Variants in DPP6 observed in about 807,000 individuals in gnomAD.
DPP6 encodes the protein A-type potassium channel modulatory protein DPP6.
A neutral mutation model predicts 122.6 loss-of-function variants in DPP6; 69 were observed. The observed-to-expected ratio is 0.56, with a 90% CI of 0.46 to 0.69. The LOEUF is 0.69. Ranked by LOEUF, DPP6 falls within the 30% of genes least tolerant of loss-of-function variation. The pLI is 0.00. For missense variants in DPP6, 928 were observed against 1,116.9 expected (o/e 0.83, Z 2.41); for synonymous variants, 418 against 433.1 (o/e 0.97, Z 0.43).
intron 1 of DPP6, among the ~76,000 whole-genome samples, chr7:153,903,351 G>T (rs1472902340): frequency 6.6e-6 from 1 of 152,222 alleles, no homozygotes; most frequent in African/African-American, 2.4e-5. Context: ...TCCAAGAGTT[G>T]TTTATTCACT....
At chr7:154,295,724 T>C (rs4360213) in intron 1 of DPP6, among the ~76,000 whole-genome samples, 3,524 of 152,246 alleles carry the variant, frequency 0.023, 82 homozygotes, top group East Asian at 0.084. Flanking sequence ...GCTTTTGGTT[T>C]GTATATAATT....
At chr7:154,321,790 A>G (rs1199580989) in intron 1 of DPP6, among the ~76,000 whole-genome samples, 1 of 151,060 alleles carries the variant, frequency 6.6e-6, no homozygotes, top group Non-Finnish European at 1.5e-5. Flanking sequence ...GTCTCAAAAA[A>G]AAAAAAAAAA....
At chr7:154,165,086 A>G (rs1489906240) in intron 1 of DPP6, among the ~76,000 whole-genome samples, 2 of 150,786 alleles carry the variant, frequency 1.3e-5, no homozygotes, top group Non-Finnish European at 2.9e-5. Context: ...TACATGTGCC[A>G]TGCTGGTGCG....
chr7:153,833,294 G>A, the DPP6 span, among the ~76,000 whole-genome samples: 1 of 152,128 alleles, frequency 6.6e-6, no homozygotes, highest in Non-Finnish European at 1.5e-5. Flanking sequence ...CATGTCATAC[G>A]CAATCTAAAA....
At chr7:154,062,581 T>C (rs1320349498) in intron 1 of DPP6, among the ~76,000 whole-genome samples, 1 of 5,744 alleles carries the variant, frequency 1.7e-4, no homozygotes, top group Admixed American at 1.3e-3. Context: ...GGAGGCACCC[T>C]CCGCTAGGCA....
intron 1 of DPP6, among the ~76,000 whole-genome samples, chr7:153,988,529 C>G (rs1057436660): frequency 6.6e-6 from 1 of 152,146 alleles, no homozygotes; most frequent in East Asian, 1.9e-4. Context: ...AAGTTCTGGC[C>G]TCACCCACCC....
chr7:154,164,436 T>C (rs966409282), intron 1 of DPP6, among the ~76,000 whole-genome samples: 5 of 152,196 alleles, frequency 3.3e-5, no homozygotes, highest in African/African-American at 7.2e-5. Flanking sequence ...TCCTTCATCT[T>C]GACCATGATG....
intron 2 of DPP6, among the ~76,000 whole-genome samples, chr7:154,448,816 G>C (rs1375003689): frequency 1.3e-5 from 2 of 152,068 alleles, no homozygotes; most frequent in Non-Finnish European, 2.9e-5. Context: ...CATTCAATGA[G>C]GAAAGAATAG....
intron 1 of DPP6, among the ~76,000 whole-genome samples, chr7:154,116,514 A>G (rs560460184): frequency 6.6e-6 from 1 of 152,348 alleles, no homozygotes; most frequent in African/African-American, 2.4e-5. Context: ...TGAACAAGCA[A>G]ACAGTTTACT....
At chr7:154,077,913 C>T (rs1803685435) in intron 1 of DPP6, among the ~76,000 whole-genome samples, 1 of 152,142 alleles carries the variant, frequency 6.6e-6, no homozygotes, top group African/African-American at 2.4e-5. Flanking sequence ...TCATGATCTG[C>T]CCTCCTCGGC....
chr7:153,917,544 C>T (rs1374188470), intron 1 of DPP6, among the ~76,000 whole-genome samples: 1 of 152,292 alleles, frequency 6.6e-6, no homozygotes, highest in South Asian at 2.1e-4. Flanking sequence ...TGGAGACTCT[C>T]AGGAAGTTGC....
At chr7:154,181,843 T>C (rs1250654797) in intron 1 of DPP6, among the ~76,000 whole-genome samples, 1 of 150,898 alleles carries the variant, frequency 6.6e-6, no homozygotes, top group African/African-American at 2.4e-5. Flanking sequence ...TCCGCCTCCC[T>C]GTTCAAGTGA....
At chr7:154,057,908 G>C (rs569849228) in intron 1 of DPP6, 9 of 147,188 alleles carry the variant, frequency 6.1e-5, no homozygotes, top group African/African-American at 2.4e-4. Context: ...AACTAGACAG[G>C]GTTGCTAAAG....
intron 1 of DPP6, among the ~76,000 whole-genome samples, chr7:154,120,755 T>C (rs1471279184): frequency 6.6e-6 from 1 of 152,220 alleles, no homozygotes; most frequent in East Asian, 1.9e-4. Flanking sequence ...TCATGCAAAG[T>C]TGAAGGAAAT....
intron 4 of DPP6, among the ~76,000 whole-genome samples, chr7:154,566,217 A>T (rs1307124994): frequency 2.0e-5 from 3 of 152,190 alleles, no homozygotes; most frequent in Non-Finnish European, 4.4e-5. Flanking sequence ...TAAACATATC[A>T]AGAGGTTGAG....
Position 154,285,025 on chromosome 7 carries a change from A to G in DPP6, c.244-161189A>G, listed in dbSNP as rs73167310. On this transcript the variant is annotated intron_variant, in intron 1 of 25. Coordinates refer to ENST00000377770, the MANE Select transcript of DPP6 (RefSeq NM_130797.4). ...CCAGAGGGAGGAGAAATAGACATGT[A>G]TTGCTTAATGACTACAAAATTGCTG... Among the ~76,000 whole-genome samples the G allele has an allele frequency of 2.8e-3, 425 of 152,320 alleles. 2 individuals are homozygous for G. The highest frequency in any genetic ancestry group is 5.0e-3 in the Non-Finnish European group (340 of 68,032).
At chr7:154,006,300 T>C (rs1472211866) in intron 1 of DPP6, among the ~76,000 whole-genome samples, 1 of 151,892 alleles carries the variant, frequency 6.6e-6, no homozygotes, top group Non-Finnish European at 1.5e-5. Context: ...AAGGTTTTTA[T>C]TATGTCTAGG....
intron 6 of DPP6, among the ~76,000 whole-genome samples, chr7:154,655,794 G>T (rs1837200839): frequency 1.3e-5 from 2 of 152,178 alleles, no homozygotes; most frequent in Non-Finnish European, 2.9e-5. Flanking sequence ...CAGGGCAGGG[G>T]TCATCTCCCC....
chr7:153,778,496 T>C, the DPP6 span, among the ~76,000 whole-genome samples: 1 of 150,200 alleles, frequency 6.7e-6, no homozygotes, highest in Non-Finnish European at 1.5e-5. Context: ...TTGGGGGGAA[T>C]GGGTTCAGGT....
Sources: gnomAD v4.1 joint callset for allele counts (sites outside exome capture counted in the v4.1 genomes callset) on GRCh38, gnomAD v4.1.1 for gene constraint, MANE v1.5 for transcripts, NCBI Gene and HGNC (gene_info 2026-07-23, HGNC 2026-07-21) for gene names.